The following RYR2 variants were observed in gnomAD, a reference collection of about 807,000 sequenced individuals.
The protein encoded by RYR2 is cardiac muscle ryanodine receptor-calcium release channel.
Under a neutral mutation model 601.1 loss-of-function variants are expected in RYR2, and 227 were observed. That is an observed-to-expected ratio of 0.38 (90% CI 0.34 to 0.42). RYR2 has a LOEUF of 0.42. RYR2 is among the 10% of genes least tolerant of loss of function. The pLI is 1.00. For synonymous variants in RYR2, 2,223 were observed against 2,175.1 expected (o/e 1.02, Z -0.61); for missense variants, 4,646 against 6,156.5 (o/e 0.75, Z 8.21).
In RYR2 at chr1:237,580,930, C is replaced by T. The variant is rs563361472; in HGVS notation, c.3599-8863C>T. On this transcript the variant is annotated intron_variant, in intron 29 of 104. Transcript: ENST00000366574. ...TGACACCTTAATCTTGGCCTTCCAG[C>T]CTCCAGACTGTGAGATCACACATTT... Among the ~76,000 whole-genome samples the T allele has an allele frequency of 1.3e-5, 2 of 152,294 alleles. 1 individual carries two copies. The highest frequency in any genetic ancestry group is 1.3e-4 in the Admixed American group (2 of 15,298).
chr1:237,673,360 A>C (rs1685124005), intron 58 of RYR2, among the ~76,000 whole-genome samples: 1 of 152,114 alleles, frequency 6.6e-6, no homozygotes, highest in Non-Finnish European at 1.5e-5. Context: ...ATTTTTACAT[A>C]ATTTATAATT....
chr1:237,405,473 T>C (rs976167908), intron 10 of RYR2, among the ~76,000 whole-genome samples: 2 of 152,232 alleles, frequency 1.3e-5, no homozygotes, highest in Non-Finnish European at 2.9e-5. Context: ...ACAGACTCAT[T>C]CTCCTGAACT....
chr1:237,118,463 A>G (rs1430217729), intron 1 of RYR2, among the ~76,000 whole-genome samples: 1 of 151,766 alleles, frequency 6.6e-6, no homozygotes, highest in African/African-American at 2.4e-5. Context: ...ACAATTTTTC[A>G]TGGTTACTAC....
intron 17 of RYR2, among the ~76,000 whole-genome samples, chr1:237,477,754 G>A (rs1175575817): frequency 6.6e-6 from 1 of 152,154 alleles, no homozygotes; most frequent in African/African-American, 2.4e-5. Context: ...TGCATTGTGA[G>A]TAACTTAGTT....
chr1:237,284,247 C>T (rs575629309), intron 2 of RYR2, among the ~76,000 whole-genome samples: 92 of 150,974 alleles, frequency 6.1e-4, no homozygotes, highest in Non-Finnish European at 1.1e-3. Context: ...CGGGCGTGGT[C>T]GCGGGCACCT....
At chr1:237,385,082 G>C (rs891223107) in intron 8 of RYR2, among the ~76,000 whole-genome samples, 2 of 151,780 alleles carry the variant, frequency 1.3e-5, no homozygotes, top group Non-Finnish European at 1.5e-5. Flanking sequence ...GTAGAGACAG[G>C]GTTTCACCAT....
chr1:237,129,993 TTAGA>T (rs978016079), intron 1 of RYR2, among the ~76,000 whole-genome samples: 1 of 152,114 alleles, frequency 6.6e-6, no homozygotes, highest in African/African-American at 2.4e-5. Flanking sequence ...GAAGTTTCAG[TTAGA>T]TAGTATGAAT....
intron 1 of RYR2, among the ~76,000 whole-genome samples, chr1:237,248,291 C>A (rs867216334): frequency 3.1e-5 from 3 of 96,990 alleles, no homozygotes; most frequent in African/African-American, 1.2e-4. Flanking sequence ...CGCCCCCCCC[C>A]CCCCCCCCAA....
At chr1:237,639,902 G>A (rs895646776) in intron 46 of RYR2, among the ~76,000 whole-genome samples, 3 of 152,036 alleles carry the variant, frequency 2.0e-5, no homozygotes, top group African/African-American at 7.2e-5. Context: ...TAGAGGGCAC[G>A]CAATCCTGCA....
chr1:237,158,544 T>G (rs769176890), intron 1 of RYR2, among the ~76,000 whole-genome samples: 5 of 152,236 alleles, frequency 3.3e-5, no homozygotes, highest in Non-Finnish European at 7.3e-5. Context: ...TTTCCCTTAT[T>G]TTCCTTTTTC....
At position 237,659,181 on chromosome 1, in the gene RYR2, G is replaced by T. The variant is rs368427410; in HGVS notation, c.8209-804G>T. Among the ~76,000 whole-genome samples the T allele has an allele frequency of 3.3e-5, 5 of 152,246 alleles. No homozygotes were observed. The East Asian group carries it at 5.8e-4, about 18-fold the overall frequency. ...ATGTTGAGTTTCAAACTCTGCCCTG[G>T]CCAGCCAGTCTTTCGGTCCCTCTAA... is the stretch of plus-strand genomic sequence containing the variant. On this transcript the variant is annotated intron_variant, in intron 54 of 104. Coordinates refer to ENST00000366574, the MANE Select transcript of RYR2 (RefSeq NM_001035.3).
Position 237,566,866 on chromosome 1 carries a change from T to A in RYR2, c.3423+91T>A. The A allele has an allele frequency of 1.2e-5, 16 of 1,327,134 alleles. 1 individual carries two copies. The South Asian group carries it at 1.6e-4, about 13-fold the overall frequency. 82.2% of individuals were successfully genotyped at this position (1,327,134 alleles called of 1,614,324 possible). A position where few individuals can be genotyped will look rare whatever the true frequency, so the allele number is the denominator to read the frequency against. On this transcript the variant is annotated intron_variant, in intron 28 of 104. Transcript: ENST00000366574. The stretch of plus-strand genomic sequence containing the variant: ...TCTTGGTAGCTTCACAGTACCAGTG[T>A]TTCCCACAGCACAAACGTGGAAAAA...
intron 2 of RYR2, among the ~76,000 whole-genome samples, chr1:237,330,618 C>A (rs950951217): frequency 6.6e-6 from 1 of 152,168 alleles, no homozygotes; most frequent in Non-Finnish European, 1.5e-5. Context: ...AAACTCCTGA[C>A]CTCAGGTGAT....
chr1:237,631,782 C>G (rs1022004204), intron 42 of RYR2, among the ~76,000 whole-genome samples: 5 of 151,594 alleles, frequency 3.3e-5, no homozygotes, highest in African/African-American at 1.2e-4. Context: ...CGCCCGCCAC[C>G]TCGCCCGGCT....
intron 50 of RYR2, 55 bp downstream of exon 50, chr1:237,650,152 A>G (rs1269674821): frequency 6.8e-7 from 1 of 1,476,768 alleles, no homozygotes; most frequent in Non-Finnish European, 9.4e-7. Context: ...AGAATTTACA[A>G]TGTGGCCTTT....
chr1:237,470,847 A>G (rs1214022881), intron 17 of RYR2, among the ~76,000 whole-genome samples: 1 of 151,998 alleles, frequency 6.6e-6, no homozygotes, highest in African/African-American at 2.4e-5. Context: ...AAAGAGAGAG[A>G]GGGAGAGATA....
At chr1:237,406,158 CCCTT>C (rs1322697592) in intron 10 of RYR2, among the ~76,000 whole-genome samples, 2 of 43,612 alleles carry the variant, frequency 4.6e-5, no homozygotes. Flanking sequence ...CCCTCCCCTT[CCCTT>C]CCCTTCCCTT....
chr1:237,825,518 G>T (rs748128821), intron 101 of RYR2, among the ~76,000 whole-genome samples: 8 of 152,036 alleles, frequency 5.3e-5, no homozygotes, highest in Non-Finnish European at 1.0e-4. Context: ...ATTGACTCAA[G>T]ATCGATTAAA....
At chr1:237,270,462 C>A (rs549126247) in intron 1 of RYR2, 35 bp from the exon 2 acceptor site, 2 of 1,554,922 alleles carry the variant, frequency 1.3e-6, no homozygotes, top group East Asian at 2.4e-5. Context: ...TGTCACGTCT[C>A]ACTTATTTTT....
Sources: gnomAD v4.1 joint callset for allele counts (sites outside exome capture counted in the v4.1 genomes callset) on GRCh38, gnomAD v4.1.1 for gene constraint, MANE v1.5 for transcripts, NCBI Gene and HGNC (gene_info 2026-07-23, HGNC 2026-07-21) for gene names.